DYNC1H1: variants seen among roughly 807,000 people sequenced by gnomAD.
DYNC1H1 encodes dynein cytoplasmic 1 heavy chain 1.
Under a neutral mutation model 527.1 loss-of-function variants are expected in DYNC1H1, and 51 were observed. The ratio of observed to expected loss-of-function variants is 0.10; its 90% CI spans 0.08 to 0.12. The LOEUF (loss-of-function observed/expected upper bound fraction) is 0.12. Ranked by LOEUF, DYNC1H1 falls within the 10% of genes least tolerant of loss-of-function variation. The probability of loss-of-function intolerance (pLI) is 1.00; values close to 1 mark genes in which losing one functional copy is unlikely to be tolerated. For missense variants in DYNC1H1, 2,771 were observed against 5,971.8 expected, an observed-to-expected ratio of 0.46 and a Z score of 17.66; for synonymous variants, 2,189 against 2,278.8, an observed-to-expected ratio of 0.96 and a Z score of 1.12.
chr14:102,032,622 C>A, intron 52 of DYNC1H1, 155 bp downstream of exon 52: 1 of 977,174 alleles, frequency 1.0e-6, no homozygotes, highest in Non-Finnish European at 1.6e-6. Flanking sequence ...GAGGCTGAGG[C>A]AGGTGAAGTG....
Position 102,048,599 on chromosome 14 carries a change from C to T in DYNC1H1, c.13302C>T (p.Val4434=), listed in dbSNP as rs761599389. ...LQDVRQDLAD[V]VQVCEGKKKQ... ...ACGTTCGCCAGGACCTTGCAGATGT[C>T]GTCCAGGTGTGCGAAGGAAAGAAGA... Residue 4434 remains valine, a synonymous_variant, in exon 74 of 78, where the codon GTC becomes GTT. Transcript: ENST00000360184. 6.8e-6 allele frequency: 11 copies of T among 1,614,060 alleles called. No homozygotes were observed. In the African/African-American group the frequency reaches 1.1e-4, roughly 16 times the overall value.
chr14:102,006,644 A>C (rs1364630742), intron 27 of DYNC1H1, among the ~76,000 whole-genome samples: 1 of 150,762 alleles, frequency 6.6e-6, no homozygotes, highest in Admixed American at 6.6e-5. Context: ...TCTGTCTCCC[A>C]GGCTGGAGTT....
chr14:101,990,129 A>C (rs1198242747), intron 10 of DYNC1H1, among the ~76,000 whole-genome samples: 3 of 152,206 alleles, frequency 2.0e-5, no homozygotes, highest in African/African-American at 7.2e-5. Flanking sequence ...CGTGATTCTC[A>C]GAACGTATCC....
At position 101,986,674 on chromosome 14, in the gene DYNC1H1, G is replaced by A. The variant is rs753467717; in HGVS notation, c.2449G>A (p.Ala817Thr). The change falls in exon 8 of 78, where the codon GCA becomes ACA. Residue 817 changes from alanine (A) to threonine (T), a missense_variant. Ala to Thr is a moderately conservative substitution (Grantham distance 58). This residue lies in a region of DYNC1H1 where 179 missense variants were observed against 349.4 expected (regional missense o/e 0.51). Coordinates refer to ENST00000360184, the MANE Select transcript of DYNC1H1 (RefSeq NM_001376.5). This position sits in a 1 kb window ranked among gnomAD's most constrained non-coding sequence, Gnocchi z 8.7. ...GAAAAAGGAAGTGCAGGCCCTGATCGCAGAAGGCATTGCGTTGGTGTGGGA... is the reference window on the plus strand; with the variant it reads ...GAAAAAGGAAGTGCAGGCCCTGATCACAGAAGGCATTGCGTTGGTGTGGGA... ...GLKKEVQALI[A>T]EGIALVWESY... 20 of 1,613,898 alleles carry A rather than the reference G, an allele frequency of 1.2e-5. No homozygotes were observed. Among genetic ancestry groups the A allele is most frequent in the East Asian group, 4.5e-5 (2 of 44,890 alleles).
chr14:102,033,508 C>T lies in DYNC1H1; in HGVS notation c.10413+24C>T. 3 of 1,613,244 alleles carry T rather than the reference C, an allele frequency of 1.9e-6. No individual in the cohort carries two copies. The highest frequency in any genetic ancestry group is 2.5e-6 in the Non-Finnish European group (3 of 1,179,658). ...AAGTAAGATTATCATCATTGATCCT[C>T]AGCCTTTCCTGCTGTGGAAGCAGAG... On this transcript the variant is annotated intron_variant, in intron 54 of 77. Transcript: ENST00000360184. The surrounding 1 kb of genome is among the most constrained non-coding windows in gnomAD (Gnocchi z 5.6).
rs573983927 is a variant in DYNC1H1 at position 102,039,989 on chromosome 14, C to T, written c.11691-247C>T. Among the ~76,000 whole-genome samples, 1 of 152,262 alleles carries T rather than the reference C, an allele frequency of 6.6e-6. No individual in the cohort carries two copies. Among genetic ancestry groups the T allele is most frequent in the Non-Finnish European group, 1.5e-5 (1 of 68,022 alleles). ...AGTAGCTAGGACTATAGGCGCAGGCCACCACATCTGGCTAATTTTTTTTGT... is the reference window on the plus strand; with the variant it reads ...AGTAGCTAGGACTATAGGCGCAGGCTACCACATCTGGCTAATTTTTTTTGT... On this transcript the variant is annotated intron_variant, in intron 62 of 77. Transcript: ENST00000360184. The surrounding 1 kb of genome is among the most constrained non-coding windows in gnomAD (Gnocchi z 7.0).
chr14:101,997,054 G>A lies in DYNC1H1; in HGVS notation c.3584G>A (p.Arg1195His), dbSNP rs1267132371. The change falls in exon 16 of 78, where the codon CGC becomes CAC. Residue 1195 changes from arginine to histidine, a missense_variant. Physicochemically the swap from Arg to His is conservative, Grantham distance 29. Transcript: ENST00000360184. This position sits in a 1 kb window ranked among gnomAD's most constrained non-coding sequence, Gnocchi z 4.8. ...KQVELYRNGQ[R>H]LLEKQRFQFP... Reference sequence around the variant, plus strand: ...TCAAAGCTCTACCGCAATGGCCAGCGCTTACTGGAAAAGCAAAGGTTCCAG... The same window carrying A: ...TCAAAGCTCTACCGCAATGGCCAGCACTTACTGGAAAAGCAAAGGTTCCAG... 5.0e-6 allele frequency: 8 copies of A among 1,613,948 alleles called. No homozygotes were observed. Among genetic ancestry groups the A allele is most frequent in the Non-Finnish European group, 5.9e-6 (7 of 1,179,998 alleles).
In DYNC1H1 at chr14:102,017,546, G is replaced by A. The variant is rs1407024981; in HGVS notation, c.8177+42G>A. The A allele has an allele frequency of 1.9e-6, 3 of 1,614,166 alleles. No homozygotes were observed. The highest frequency in any genetic ancestry group is 2.5e-6 in the Non-Finnish European group (3 of 1,180,026). ...GACTGCTCTGCTTCACACACGCACA[G>A]CTCCAGGATTGCTGTAAACACAGCG... is the stretch of plus-strand genomic sequence containing the variant. On this transcript the variant is annotated intron_variant, in intron 40 of 77. Transcript: ENST00000360184. The surrounding 1 kb of genome is among the most constrained non-coding windows in gnomAD (Gnocchi z 4.6).
At chr14:102,003,105 A>G in intron 23 of DYNC1H1, 140 bp downstream of exon 23, 3 of 1,145,154 alleles carry the variant, frequency 2.6e-6, no homozygotes, top group South Asian at 2.6e-5. Context: ...ACATATAATG[A>G]TTACCATTCC....
intron 50 of DYNC1H1, 53 bp from the exon 51 acceptor site, chr14:102,030,109 G>A (rs1307165695): frequency 2.3e-5 from 37 of 1,613,432 alleles, no homozygotes; most frequent in Non-Finnish European, 3.1e-5. Context: ...TTAGAATTTA[G>A]TCAGCAAATT....
intron 42 of DYNC1H1, 22 bp from the exon 43 acceptor site, chr14:102,022,721 ACCTAAATG>A: frequency 6.2e-7 from 1 of 1,613,838 alleles, no homozygotes; most frequent in Non-Finnish European, 8.5e-7. Context: ...CCCTCTAGTT[ACCTAAATG>A]CACATGCTGC....
chr14:102,050,352 C>T lies in DYNC1H1; in HGVS notation c.13813-83C>T, dbSNP rs113183167. 322 of 1,612,382 alleles carry T rather than the reference C, an allele frequency of 2.0e-4. 1 individual carries two copies. The highest frequency in any genetic ancestry group is 1.8e-3 in the Middle Eastern group (11 of 6,058). On this transcript the variant is annotated intron_variant, in intron 77 of 77. Coordinates refer to ENST00000360184, the MANE Select transcript of DYNC1H1 (RefSeq NM_001376.5). ...CGCACCTGTCCAAACCTCTCCTTGC[C>T]GGGCCCCATCAGCTGTCCCGGGCAG...
At position 102,009,886 on chromosome 14, in the gene DYNC1H1, G is replaced by A; in HGVS notation, c.6021G>A (p.Lys2007=). ...GTGAGCTGCTGAACAAACAAGTCAA[G>A]GTGAGCCCGGACATGGCCATCTTCA... The part of the protein sequence containing the change: ...ITCELLNKQV[K]VSPDMAIFIT... The change falls in exon 30 of 78, where the codon AAG becomes AAA. Residue 2007 remains lysine, a synonymous_variant. Transcript: ENST00000360184. The A allele has an allele frequency of 6.2e-7, 1 of 1,613,976 alleles. No individual in the cohort carries two copies. Among genetic ancestry groups the A allele is most frequent in the East Asian group, 2.2e-5 (1 of 44,876 alleles).
intron 1 of DYNC1H1, among the ~76,000 whole-genome samples, chr14:101,969,893 G>A (rs777541454): frequency 1.3e-5 from 2 of 152,218 alleles, no homozygotes; most frequent in Non-Finnish European, 2.9e-5. Context: ...CAGCAAGAGA[G>A]ATTTAGCCCA....
rs1481916299 is a variant in DYNC1H1, at chr14:101,997,289, G to T, written c.3804+15G>T. 6.2e-7 allele frequency: 1 copy of T among 1,614,096 alleles called. No homozygotes were observed. Among genetic ancestry groups the T allele is most frequent in the South Asian group, 1.1e-5 (1 of 91,062 alleles). On this transcript the variant is annotated intron_variant, in intron 16 of 77. Coordinates refer to ENST00000360184, the MANE Select transcript of DYNC1H1 (RefSeq NM_001376.5). The surrounding 1 kb of genome is among the most constrained non-coding windows in gnomAD (Gnocchi z 4.8). ...AGCCTGTCACGGTGAGTCCCGCCAGGTGGGGACGCAGGAGACTCCTCACCC... is the reference window on the plus strand; with the variant it reads ...AGCCTGTCACGGTGAGTCCCGCCAGTTGGGGACGCAGGAGACTCCTCACCC...
rs560968301 is a variant in DYNC1H1 at position 102,017,732 on chromosome 14, C to T, written c.8177+228C>T. On this transcript the variant is annotated intron_variant, in intron 40 of 77. Transcript: ENST00000360184. This position sits in a 1 kb window ranked among gnomAD's most constrained non-coding sequence, Gnocchi z 4.6. The stretch of plus-strand genomic sequence containing the variant: ...CTATAATCCCAGCACTTTGGGAGGC[C>T]GAGGCGGGCGGATCACGAGGTCAGG... 60 of 698,320 alleles carry T rather than the reference C, an allele frequency of 8.6e-5. No individual in the cohort carries two copies. The highest frequency in any genetic ancestry group is 6.0e-4 in the South Asian group (33 of 54,956). The allele number at this position is 698,320 out of a possible 1,614,324, so 43.3% of individuals were successfully genotyped here. A position where few individuals can be genotyped will look rare whatever the true frequency, so the allele number is the denominator to read the frequency against.
chr14:101,994,895 G>A (rs1464662038), intron 13 of DYNC1H1, 46 bp downstream of exon 13: 1 of 1,614,040 alleles, frequency 6.2e-7, no homozygotes. Context: ...TAGTGTAAAA[G>A]CAACATTTCT....
In DYNC1H1 at chr14:102,017,418, T is replaced by C; in HGVS notation, c.8091T>C (p.Asp2697=). ...ACGGAGGCTTTTACCGTACCTCAGA[T>C]CAAACATGGGTGAAGCTGGAGAGAA... ...VEHGGFYRTS[D]QTWVKLERIQ... is the part of the protein sequence containing the mutation. The change falls in exon 40 of 78, where the codon GAT becomes GAC. Residue 2697 remains aspartate, a synonymous_variant. Coordinates refer to ENST00000360184, the MANE Select transcript of DYNC1H1 (RefSeq NM_001376.5). This position sits in a 1 kb window ranked among gnomAD's most constrained non-coding sequence, Gnocchi z 4.6. 1 of 1,614,218 alleles carries C rather than the reference T, an allele frequency of 6.2e-7. No homozygotes were observed. Among genetic ancestry groups the C allele is most frequent in the Non-Finnish European group, 8.5e-7 (1 of 1,180,042 alleles).
In DYNC1H1 at chr14:102,015,881, T is replaced by C; in HGVS notation, c.7268T>C (p.Met2423Thr). 1 of 1,614,252 alleles carries C rather than the reference T, an allele frequency of 6.2e-7. No individual in the cohort carries two copies. The highest frequency in any genetic ancestry group is 8.5e-7 in the Non-Finnish European group (1 of 1,180,046). ...LQIQRDAATI[M>T]QPYFTSNGLV... The stretch of plus-strand genomic sequence containing the variant: ...ATCCAAAGAGATGCAGCTACGATCA[T>C]GCAACCGTACTTCACGTCCAACGGC... Residue 2423 changes from methionine (M) to threonine (T), a missense_variant, in exon 36 of 78, where the codon ATG becomes ACG. By Grantham distance (81) the Met-to-Thr change is moderately conservative. This residue lies in a region of DYNC1H1 where 122 missense variants were observed against 168.4 expected (regional missense o/e 0.72). Transcript: ENST00000360184. This position sits in a 1 kb window ranked among gnomAD's most constrained non-coding sequence, Gnocchi z 6.9.
Sources: allele counts gnomAD v4.1 joint callset (sites outside exome capture counted in the v4.1 genomes callset), GRCh38; gene constraint gnomAD v4.1.1; regional missense constraint gnomAD v4.1.1; non-coding constraint Gnocchi (gnomAD v3.1); transcripts MANE v1.5; gene names NCBI Gene and HGNC (gene_info 2026-07-23, HGNC 2026-07-21).